The following PCDHA5 variants were observed in gnomAD, a reference collection of about 807,000 sequenced individuals.
The protein encoded by PCDHA5 is protocadherin alpha 5.
In PCDHA5, 43 loss-of-function variants were observed where a neutral mutation model predicts 61.6. The observed-to-expected ratio is 0.70, with a 90% CI of 0.55 to 0.90. PCDHA5 has a LOEUF of 0.90. Ranked by LOEUF, PCDHA5 falls within the 40% of genes least tolerant of loss-of-function variation. PCDHA5 has a pLI of 0.00. For synonymous variants in PCDHA5, 627 were observed against 543.9 expected (o/e 1.15, Z -2.13); for missense variants, 1,298 against 1,222.7 (o/e 1.06, Z -0.92).
intron 1 of PCDHA5, among the ~76,000 whole-genome samples, chr5:140,965,126 A>C (rs540121719): frequency 7.9e-5 from 12 of 152,372 alleles, no homozygotes; most frequent in African/African-American, 2.6e-4. Flanking sequence ...GAAGATCTAC[A>C]GATGACAGAA....
At chr5:140,912,679 T>G (rs367681467) in intron 1 of PCDHA5, among the ~76,000 whole-genome samples, 3 of 152,334 alleles carry the variant, frequency 2.0e-5, no homozygotes, top group South Asian at 4.1e-4. Context: ...CCTTGACTTA[T>G]TCCAGGTCTC....
chr5:140,891,876 G>C (rs781983742), intron 1 of PCDHA5, among the ~76,000 whole-genome samples: 9 of 152,186 alleles, frequency 5.9e-5, no homozygotes, highest in Non-Finnish European at 1.2e-4. Context: ...TTTTGGCTCT[G>C]TCATGTGACG....
At chr5:140,836,946 C>T (rs2150271412) in intron 1 of PCDHA5, 6 of 445,876 alleles carry the variant, frequency 1.3e-5, no homozygotes, top group Admixed American at 4.0e-5. Flanking sequence ...AGATCAAAAT[C>T]TATGGTTTAT....
At chr5:140,934,437 T>C (rs950173265) in intron 1 of PCDHA5, among the ~76,000 whole-genome samples, 4 of 152,298 alleles carry the variant, frequency 2.6e-5, no homozygotes, top group Admixed American at 6.5e-5. Context: ...AGTGTAAATA[T>C]AGTGAAAAAT....
intron 1 of PCDHA5, chr5:140,966,700 G>T: frequency 7.3e-7 from 1 of 1,365,440 alleles, no homozygotes; most frequent in Non-Finnish European, 9.4e-7. Context: ...GGGCCCGGGC[G>T]TGGGGCACGG....
At chr5:140,888,623 C>T (rs1456857060) in intron 1 of PCDHA5, among the ~76,000 whole-genome samples, 1 of 152,160 alleles carries the variant, frequency 6.6e-6, no homozygotes. Context: ...ACTAATTCGG[C>T]CTTCTATTAC....
intron 1 of PCDHA5, among the ~76,000 whole-genome samples, chr5:140,945,249 T>C (rs1181677082): frequency 6.6e-6 from 1 of 152,050 alleles, no homozygotes; most frequent in African/African-American, 2.4e-5. Flanking sequence ...ACCAAGAGGA[T>C]GAAAGACCTG....
chr5:140,968,966 T>C (rs781901506), intron 1 of PCDHA5: 1 of 1,614,216 alleles, frequency 6.2e-7, no homozygotes, highest in East Asian at 2.2e-5. Context: ...GTGCTACCGC[T>C]ACACTGCGTA....
rs1554168215 is a variant in PCDHA5, at chr5:140,876,039, T to A, written c.2352+51912T>A. 3 of 1,613,746 alleles carry A rather than the reference T, an allele frequency of 1.9e-6. No individual in the cohort carries two copies. Among genetic ancestry groups the A allele is most frequent in the South Asian group, 2.2e-5 (2 of 91,062 alleles). On this transcript the variant is annotated intron_variant, in intron 1 of 3. Transcript: ENST00000529859. ...AAATAAAAACAAAAAAAGATAAAAG[T>A]ATATTGCCTGAATTAGTTCTTCGGA...
Position 140,870,886 on chromosome 5 carries a change from G to T in PCDHA5, c.2352+46759G>T, listed in dbSNP as rs17844350. On this transcript the variant is annotated intron_variant, in intron 1 of 3. Coordinates refer to ENST00000529859, the MANE Select transcript of PCDHA5 (RefSeq NM_018908.3). ...GGGCCACGTGGTGGCGAAGGTGCGC[G>T]CAGTGGATGCGGACTCAGGCTACAA... 4,395 of 1,613,944 alleles carry T rather than the reference G, an allele frequency of 2.7e-3. 116 individuals are homozygous for T. The East Asian group carries it at 0.058, about 21-fold the overall frequency.
intron 1 of PCDHA5, chr5:140,871,009 C>T (rs1288290775): frequency 1.9e-6 from 3 of 1,613,246 alleles, no homozygotes; most frequent in African/African-American, 2.7e-5. Flanking sequence ...AACGCGTGCC[C>T]TGGACGAGGC....
intron 1 of PCDHA5, chr5:140,835,523 A>C: frequency 6.2e-7 from 1 of 1,613,916 alleles, no homozygotes; most frequent in Non-Finnish European, 8.5e-7. Context: ...GAGATTTTGG[A>C]GTCAACGGAC....
chr5:140,944,419 T>C (rs2093656334), intron 1 of PCDHA5, among the ~76,000 whole-genome samples: 2 of 152,184 alleles, frequency 1.3e-5, no homozygotes, highest in South Asian at 4.1e-4. Flanking sequence ...ACTCCTGATC[T>C]GAAGTGGTCT....
chr5:140,883,511 C>T (rs782295526), intron 1 of PCDHA5: 22 of 1,614,068 alleles, frequency 1.4e-5, no homozygotes, highest in Non-Finnish European at 1.8e-5. Flanking sequence ...CGCCCTGGAC[C>T]GCGAGAGCGT....
At chr5:140,988,026 T>A (rs1405610277) in intron 3 of PCDHA5, among the ~76,000 whole-genome samples, 1 of 152,152 alleles carries the variant, frequency 6.6e-6, no homozygotes, top group Non-Finnish European at 1.5e-5. Context: ...GATTCTTAAG[T>A]TTTTTAGAAT....
intron 1 of PCDHA5, chr5:140,882,955 C>G (rs1554176243): frequency 6.2e-7 from 1 of 1,614,178 alleles, no homozygotes; most frequent in Admixed American, 1.7e-5. Context: ...TTCAGCTGCT[C>G]ATCACGATTC....
chr5:140,965,834 G>T (rs1018708290), intron 1 of PCDHA5, among the ~76,000 whole-genome samples: 1 of 152,128 alleles, frequency 6.6e-6, no homozygotes, highest in Admixed American at 6.5e-5. Context: ...TTAAATATTG[G>T]TTATTTGCCA....
At chr5:140,851,968 C>G (rs1409588887) in intron 1 of PCDHA5, 2 of 976,644 alleles carry the variant, frequency 2.0e-6, no homozygotes, top group African/African-American at 3.5e-5. Flanking sequence ...GTTTTCCACA[C>G]TCTACCTTTA....
chr5:140,849,542 G>T lies in PCDHA5; in HGVS notation c.2352+25415G>T. On this transcript the variant is annotated intron_variant, in intron 1 of 3. Coordinates refer to ENST00000529859, the MANE Select transcript of PCDHA5 (RefSeq NM_018908.3). ...TGGATGTAAATGACAATGCTCCACAGTTGACTATCAAAACGCTCTCGGTTC... is the reference window on the plus strand; with the variant it reads ...TGGATGTAAATGACAATGCTCCACATTTGACTATCAAAACGCTCTCGGTTC... 3.1e-6 allele frequency: 5 copies of T among 1,598,272 alleles called. No homozygotes were observed. The South Asian group carries it at 5.5e-5, about 18-fold the overall frequency.
Sources: allele counts gnomAD v4.1 joint callset (sites outside exome capture counted in the v4.1 genomes callset), GRCh38; gene constraint gnomAD v4.1.1; transcripts MANE v1.5; gene names NCBI Gene and HGNC (gene_info 2026-07-23, HGNC 2026-07-21).